MMP27: variants seen among roughly 807,000 people sequenced by gnomAD.
MMP27 encodes the protein matrix metalloproteinase-27.
Under a neutral mutation model 48.1 loss-of-function variants are expected in MMP27, and 51 were observed. The ratio of observed to expected loss-of-function variants is 1.06; its 90% confidence interval spans 0.85 to 1.34. The LOEUF (loss-of-function observed/expected upper bound fraction) is 1.34, where lower values mean the gene tolerates loss of function less well. Among genes scored for constraint, MMP27 ranks in the 40% most tolerant of loss-of-function variants. The probability of loss-of-function intolerance (pLI) is 0.00; values close to 1 mark genes in which losing one functional copy is unlikely to be tolerated. For missense variants in MMP27, 698 were observed against 619.3 expected (o/e 1.13, Z -1.35); for synonymous variants, 229 against 208.9 (o/e 1.10, Z -0.83).
In MMP27 at chr11:102,694,991, TG is replaced by T. The variant is rs759396371; in HGVS notation, c.1008del (p.Arg337GlufsTer14). Reference sequence around the variant, plus strand: ...CCTTTAAAAACCAGAATCTTATCTCTGGGGTTCTCGTATGCAGCTTGCAGAT... The same window carrying T: ...CCTTTAAAAACCAGAATCTTATCTCTGGGTTCTCGTATGCAGCTTGCAGAT... ...PADLQAAYEN[P>X]RDKILVFKDE... On this transcript the variant is annotated frameshift_variant, in exon 7 of 10. Transcript: ENST00000260229. LOFTEE classifies it high-confidence loss of function. 34 of 1,613,838 alleles carry T rather than the reference TG, an allele frequency of 2.1e-5. No homozygotes were observed. The highest frequency in any genetic ancestry group is 2.8e-5 in the Non-Finnish European group (33 of 1,179,934).
Position 102,691,896 on chromosome 11 carries a change from G to T in MMP27, c.1412C>A (p.Ser471Tyr), listed in dbSNP as rs746773396. Reference protein sequence around the residue: ...TWFQCKEPKNSSFGFDINKEK... With the variant: ...TWFQCKEPKNYSFGFDINKEK... ...CTTGTTGATATCAAAACCAAATGAG[G>T]AGTTCTTTGGTTCTTTGCATTGAAA... The change falls in exon 10 of 10, where the codon TCC becomes TAC. Residue 471 changes from serine to tyrosine, a missense_variant. By Grantham distance (144) the Ser-to-Tyr change is moderately radical. Transcript: ENST00000260229. 6.2e-7 allele frequency: 1 copy of T among 1,613,162 alleles called. No individual in the cohort carries two copies. The highest frequency in any genetic ancestry group is 1.3e-5 in the African/African-American group (1 of 74,810).
intron 6 of MMP27, 138 bp from the exon 7 acceptor site, chr11:102,695,235 G>T: frequency 1.0e-6 from 1 of 975,694 alleles, no homozygotes; most frequent in Non-Finnish European, 1.5e-6. Flanking sequence ...ATTTTCCCCA[G>T]TAAATTTAGG....
intron 7 of MMP27, among the ~76,000 whole-genome samples, 191 bp from the exon 8 acceptor site, chr11:102,694,256 G>T (rs1860780683): frequency 6.6e-6 from 1 of 152,070 alleles, no homozygotes; most frequent in Non-Finnish European, 1.5e-5. Context: ...ATATATACCT[G>T]TAAAAGTCAA....
In MMP27 at chr11:102,695,101, T is replaced by A. The variant is rs752171793; in HGVS notation, c.903-4A>T. ...ATAATAGATCCTCCATAGGTGCCTG[T>A]GTTAAACAAAAAACACTTTACACAT... On this transcript the variant is annotated splice_polypyrimidine_tract_variant and splice_region_variant and intron_variant, in intron 6 of 9. Transcript: ENST00000260229. 2 of 1,612,254 alleles carry A rather than the reference T, an allele frequency of 1.2e-6. No homozygotes were observed. Among genetic ancestry groups the A allele is most frequent in the African/African-American group, 2.7e-5 (2 of 74,910 alleles).
At chr11:102,696,350 T>A in intron 6 of MMP27, 21 bp downstream of exon 6, 1 of 1,612,028 alleles carries the variant, frequency 6.2e-7, no homozygotes, top group Non-Finnish European at 8.5e-7. Context: ...GAAGTTGAGG[T>A]GTTTAGAGAA....
intron 1 of MMP27, 139 bp from the exon 2 acceptor site, chr11:102,704,914 G>GAGGAGTGAAGGAGGAAAGAAGAAAGGA: frequency 3.3e-6 from 2 of 606,724 alleles, no homozygotes; most frequent in Non-Finnish European, 5.8e-6. Context: ...GAGAGAAAGT[G>GAGGAGTGAAGGAGGAAAGAAGAAAGGA]AGGAGTGAAG....
intron 4 of MMP27, 101 bp from the exon 5 acceptor site, chr11:102,696,936 G>T (rs1052182362): frequency 5.6e-6 from 7 of 1,246,362 alleles, no homozygotes; most frequent in Middle Eastern, 2.0e-4. Flanking sequence ...ATAAAGGCTT[G>T]CTATACAGCA....
At chr11:102,704,418 C>T (rs113965322) in intron 2 of MMP27, 119 bp downstream of exon 2, 2 of 782,890 alleles carry the variant, frequency 2.6e-6, no homozygotes, top group Non-Finnish European at 4.3e-6. Context: ...TAAATGGAGC[C>T]TAAGATGTGC....
Position 102,696,445 on chromosome 11 carries a change from G to C in MMP27, c.828C>G (p.Pro276=). Residue 276 remains proline, a synonymous_variant, in exon 6 of 10, where the codon CCC becomes CCG. Transcript: ENST00000260229. ...EPAKPKEPTI[P]HACDPDLTFD... ...AAGTCAAGTCAGGGTCACAGGCATGGGGTATAGTGGGTTCCTTTGGCTTAG... is the reference window on the plus strand; with the variant it reads ...AAGTCAAGTCAGGGTCACAGGCATGCGGTATAGTGGGTTCCTTTGGCTTAG... 6.2e-7 allele frequency: 1 copy of C among 1,613,796 alleles called. No homozygotes were observed. The highest frequency in any genetic ancestry group is 8.5e-7 in the Non-Finnish European group (1 of 1,179,808).
At chr11:102,698,964 A>G (rs1269100320) in intron 4 of MMP27, among the ~76,000 whole-genome samples, 1 of 152,092 alleles carries the variant, frequency 6.6e-6, no homozygotes, top group Admixed American at 6.5e-5. Flanking sequence ...GAGTACAGGA[A>G]CCATGTCTTA....
intron 4 of MMP27, 88 bp downstream of exon 4, chr11:102,702,665 C>G (rs2701994): frequency 0.92 from 1,311,158 of 1,429,082 alleles, 601,900 homozygotes; most frequent in East Asian, 1. Context: ...GGGAACTTTA[C>G]AGTTAAAAAG....
At chr11:102,694,164 G>A in intron 7 of MMP27, 99 bp from the exon 8 acceptor site, 1 of 783,906 alleles carries the variant, frequency 1.3e-6, no homozygotes, top group Non-Finnish European at 1.9e-6. Flanking sequence ...TAGCTTCAGT[G>A]CTTAGAGATT....
intron 7 of MMP27, 150 bp from the exon 8 acceptor site, chr11:102,694,215 A>G (rs1860780015): frequency 2.0e-6 from 1 of 499,718 alleles, no homozygotes; most frequent in Non-Finnish European, 3.4e-6. Flanking sequence ...CACTTTCTTT[A>G]GCTGCTCATA....
At chr11:102,694,154 T>C (rs1860779415) in intron 7 of MMP27, 89 bp from the exon 8 acceptor site, 1 of 903,282 alleles carries the variant, frequency 1.1e-6, no homozygotes, top group Admixed American at 2.8e-5. Context: ...TAGTTCCTTT[T>C]AGCTTCAGTG....
At chr11:102,697,981 C>A (rs1162622514) in intron 4 of MMP27, among the ~76,000 whole-genome samples, 1 of 152,194 alleles carries the variant, frequency 6.6e-6, no homozygotes, top group African/African-American at 2.4e-5. Context: ...AGGCATGGAG[C>A]TGTCATCTCC....
At chr11:102,694,444 T>C (rs1428006696) in intron 7 of MMP27, among the ~76,000 whole-genome samples, 1 of 152,232 alleles carries the variant, frequency 6.6e-6, no homozygotes, top group East Asian at 1.9e-4. Flanking sequence ...TTTGGACATG[T>C]TCTCCTAAGT....
intron 4 of MMP27, among the ~76,000 whole-genome samples, chr11:102,700,919 T>C (rs1043240089): frequency 6.6e-6 from 1 of 152,236 alleles, no homozygotes; most frequent in Non-Finnish European, 1.5e-5. Context: ...CTTAAGCAAG[T>C]TACACCAAGA....
chr11:102,703,177 A>C (rs1487616956), intron 2 of MMP27, 59 bp from the exon 3 acceptor site: 2 of 1,486,610 alleles, frequency 1.3e-6, no homozygotes, highest in Non-Finnish European at 1.8e-6. Context: ...ATATACACAC[A>C]TAACTACAAA....
chr11:102,704,377 C>A (rs2134278302), intron 2 of MMP27, among the ~76,000 whole-genome samples, 160 bp downstream of exon 2: 1 of 152,308 alleles, frequency 6.6e-6, no homozygotes, highest in Middle Eastern at 3.4e-3. Flanking sequence ...AGCAGCAGAG[C>A]CTACAGCACA....
Sources: gnomAD v4.1 joint callset for allele counts (sites outside exome capture counted in the v4.1 genomes callset) on GRCh38, gnomAD v4.1.1 for gene constraint, MANE v1.5 for transcripts, NCBI Gene and HGNC (gene_info 2026-07-23, HGNC 2026-07-21) for gene names.